The following NECTIN1 variants were observed in gnomAD, a reference collection of about 807,000 sequenced individuals.
NECTIN1 encodes nectin-1.
In NECTIN1, 23 loss-of-function variants were observed where a neutral mutation model predicts 48.0. The ratio of observed to expected loss-of-function variants is 0.48; its 90% CI spans 0.34 to 0.68. NECTIN1 has a LOEUF of 0.68. NECTIN1 is among the 30% of genes least tolerant of loss of function. NECTIN1 has a pLI of 0.01. For synonymous variants in NECTIN1, 270 were observed against 288.9 expected, an observed-to-expected ratio of 0.93 and a Z score of 0.66; for missense variants, 591 against 709.9, an observed-to-expected ratio of 0.83 and a Z score of 1.90.
intron 1 of NECTIN1, among the ~76,000 whole-genome samples, chr11:119,689,363 G>T (rs954902492): frequency 1.3e-5 from 2 of 152,160 alleles, no homozygotes; most frequent in African/African-American, 4.8e-5. Flanking sequence ...GTGGCATTCA[G>T]ACCCTACAGC....
chr11:119,683,573 GGTGTGT>G lies in NECTIN1; in HGVS notation c.80-4814_80-4809del, dbSNP rs66955603. Among the ~76,000 whole-genome samples, 49,307 of 143,506 alleles carry G rather than the reference GGTGTGT, an allele frequency of 0.34. 8,886 individuals carry two copies. Among genetic ancestry groups the G allele is most frequent in the East Asian group, 0.51 (2,479 of 4,848 alleles). 94.1% of individuals were successfully genotyped at this position (143,506 alleles called of 152,430 possible). ...AGAAACAGGGGCTTTGGGGATCCCGGGTGTGTGTGTGTGTGTGTGTGTGTGTGTGTG... is the reference window on the plus strand; with the variant it reads ...AGAAACAGGGGCTTTGGGGATCCCGGGTGTGTGTGTGTGTGTGTGTGTGTG... On this transcript the variant is annotated intron_variant, in intron 1 of 5. Transcript: ENST00000264025. This position sits in a 1 kb window ranked among gnomAD's most constrained non-coding sequence, Gnocchi z 4.0.
downstream of NECTIN1, among the ~76,000 whole-genome samples, chr11:119,657,595 T>C (rs1369115273): frequency 2.3e-5 from 3 of 127,736 alleles, no homozygotes; most frequent in Admixed American, 8.9e-5. Context: ...AGCCTGGTGA[T>C]AGAGTGAGAC....
intron 5 of NECTIN1, chr11:119,674,235 CT>C: frequency 1.1e-6 from 1 of 913,636 alleles, no homozygotes; most frequent in Non-Finnish European, 1.4e-6. Flanking sequence ...ACACCACTTC[CT>C]TTTTTAAGAC....
rs192262250 is a variant in NECTIN1, at chr11:119,663,413, G to C, written c.*1334C>G. The C allele has an allele frequency of 2.0e-6, 2 of 985,482 alleles. No individual in the cohort carries two copies. The highest frequency in any genetic ancestry group is 3.5e-5 in the African/African-American group (2 of 57,356). The allele number at this position is 985,482 out of a possible 1,614,324, so 61.0% of individuals were successfully genotyped here. A position where few individuals can be genotyped will look rare whatever the true frequency, so the allele number is the denominator to read the frequency against. On this transcript the variant is annotated 3_prime_UTR_variant, in exon 6 of 6. Coordinates refer to ENST00000264025, the MANE Select transcript of NECTIN1 (RefSeq NM_002855.5). ...AAGGGAATCTGCACTGAAAGGGAGG[G>C]CTTCTCCTAGGCCCTCCCCTCATCC...
chr11:119,685,253 ACTG>A (rs1263311557), intron 1 of NECTIN1, among the ~76,000 whole-genome samples: 1 of 152,118 alleles, frequency 6.6e-6, no homozygotes, highest in Non-Finnish European at 1.5e-5. Context: ...GGTCACAAAA[ACTG>A]CTGATGTTTT....
intron 1 of NECTIN1, among the ~76,000 whole-genome samples, chr11:119,724,920 T>A (rs1865887178): frequency 1.3e-5 from 2 of 152,336 alleles, no homozygotes; most frequent in Admixed American, 1.3e-4. Context: ...GTTTAAAGTT[T>A]TTTTGTTTTT....
At chr11:119,701,869 G>A (rs968248707) in intron 1 of NECTIN1, among the ~76,000 whole-genome samples, 5 of 152,050 alleles carry the variant, frequency 3.3e-5, no homozygotes, top group Admixed American at 6.5e-5. Context: ...ACTGGCTCCC[G>A]CCCCGTCCCT....
chr11:119,658,622 C>T (rs4245201), downstream of NECTIN1, among the ~76,000 whole-genome samples: 113,224 of 152,076 alleles, frequency 0.74, 42,357 homozygotes, highest in Admixed American at 0.79. Flanking sequence ...CTTCAAACCA[C>T]GTCAGATAGC....
chr11:119,723,132 T>C (rs987371000), intron 1 of NECTIN1, among the ~76,000 whole-genome samples: 3 of 144,166 alleles, frequency 2.1e-5, no homozygotes, highest in African/African-American at 5.3e-5. Context: ...GGCAGAAGAA[T>C]CGCTTGAACC....
intron 1 of NECTIN1, among the ~76,000 whole-genome samples, chr11:119,717,060 T>C (rs1865754809): frequency 6.6e-6 from 1 of 152,094 alleles, no homozygotes. Context: ...GAGAGGGTAA[T>C]GGGGATATTT....
intron 5 of NECTIN1, among the ~76,000 whole-genome samples, chr11:119,648,310 G>GTGA (rs1864434632): frequency 8.4e-4 from 5 of 5,944 alleles, no homozygotes; most frequent in Non-Finnish European, 1.6e-3. Flanking sequence ...GGTGGTGATG[G>GTGA]TGGTGATGGT....
rs868567992 is a variant in NECTIN1 at position 119,664,035 on chromosome 11, T to A, written c.*712A>T. The A allele has an allele frequency of 2.0e-6, 2 of 985,404 alleles. No individual in the cohort carries two copies. The highest frequency in any genetic ancestry group is 2.3e-4 in the East Asian group (2 of 8,814). The allele number at this position is 985,404 out of a possible 1,614,324, so 61.0% of individuals were successfully genotyped here. ...TGGAGCCCCTAATGGAGGGGGCACA[T>A]TGGGGATAAAGAGGGGACGCGTCAG... On this transcript the variant is annotated 3_prime_UTR_variant, in exon 6 of 6. Coordinates refer to ENST00000264025, the MANE Select transcript of NECTIN1 (RefSeq NM_002855.5).
chr11:119,655,164 G>A (rs1864552054), intron 5 of NECTIN1, among the ~76,000 whole-genome samples: 1 of 151,806 alleles, frequency 6.6e-6, no homozygotes, highest in Non-Finnish European at 1.5e-5. Context: ...ACCCACCTCG[G>A]CCTCCCAAAG....
chr11:119,665,964 G>T lies in NECTIN1; in HGVS notation c.1004-667C>A, dbSNP rs1203445749. ...CAGGTTCCCAGGCACTGGCTCAGGAGATGCCCCGTGAGTGCCAATCAGCTG... is the reference window on the plus strand; with the variant it reads ...CAGGTTCCCAGGCACTGGCTCAGGATATGCCCCGTGAGTGCCAATCAGCTG... On this transcript the variant is annotated intron_variant, in intron 5 of 5. Transcript: ENST00000264025. This position sits in a 1 kb window ranked among gnomAD's most constrained non-coding sequence, Gnocchi z 5.1. Among the ~76,000 whole-genome samples, 3 of 152,182 alleles carry T rather than the reference G, an allele frequency of 2.0e-5. No homozygotes were observed. The highest frequency in any genetic ancestry group is 4.4e-5 in the Non-Finnish European group (3 of 68,032).
chr11:119,656,998 G>A (rs527461635), downstream of NECTIN1, among the ~76,000 whole-genome samples: 153 of 152,300 alleles, frequency 1.0e-3, 1 homozygote, highest in South Asian at 8.7e-3. Context: ...CCAAAAACCT[G>A]CTTCACGAGG....
At chr11:119,639,736 C>T in intron 6 of NECTIN1, 1 of 1,241,404 alleles carries the variant, frequency 8.1e-7, no homozygotes, top group Non-Finnish European at 1.1e-6. Context: ...AGTTCCTGGT[C>T]CCCCAGGGTG....
At position 119,665,083 on chromosome 11, in the gene NECTIN1, G is replaced by T. The variant is rs372070347; in HGVS notation, c.1218C>A (p.Pro406=). 3.7e-6 allele frequency: 6 copies of T among 1,613,928 alleles called. No homozygotes were observed. Among genetic ancestry groups the T allele is most frequent in the Non-Finnish European group, 5.1e-6 (6 of 1,179,994 alleles). Reference sequence around the variant, plus strand: ...TCTGTGCCATTGGTGGGTGGTGCTGGGGGATGCCTGCCTTGCTGTAGCCGT... The same window carrying T: ...TCTGTGCCATTGGTGGGTGGTGCTGTGGGATGCCTGCCTTGCTGTAGCCGT... ...YGNGYSKAGI[P]QHHPPMAQNL... is the part of the protein sequence containing the mutation. Residue 406 remains proline, a synonymous_variant, in exon 6 of 6, where the codon CCC becomes CCA. Transcript: ENST00000264025. This position sits in a 1 kb window ranked among gnomAD's most constrained non-coding sequence, Gnocchi z 5.1.
chr11:119,674,641 C>A (rs781338167), intron 5 of NECTIN1: 2 of 1,614,118 alleles, frequency 1.2e-6, no homozygotes, highest in East Asian at 4.5e-5. Flanking sequence ...GATAAGTTGA[C>A]AGAAAGCTGC....
intron 1 of NECTIN1, among the ~76,000 whole-genome samples, chr11:119,699,731 T>A (rs1039842381): frequency 2.0e-5 from 3 of 152,034 alleles, no homozygotes; most frequent in Non-Finnish European, 2.9e-5. Flanking sequence ...CCAAGGCAGG[T>A]GTTAGGAGAC....
Sources: allele counts gnomAD v4.1 joint callset (sites outside exome capture counted in the v4.1 genomes callset), GRCh38; gene constraint gnomAD v4.1.1; non-coding constraint Gnocchi (gnomAD v3.1); transcripts MANE v1.5; gene names NCBI Gene and HGNC (gene_info 2026-07-23, HGNC 2026-07-21).